NSF: variants seen among roughly 807,000 people sequenced by gnomAD.
NSF encodes vesicle-fusing ATPase.
In NSF, 14 loss-of-function variants were observed where a neutral mutation model predicts 50.3. The observed-to-expected ratio is 0.28, with a 90% CI of 0.18 to 0.44. The LOEUF is 0.44. NSF is among the 20% of genes least tolerant of loss of function. The probability of loss-of-function intolerance (pLI) is 1.00; values close to 1 mark genes in which losing one functional copy is unlikely to be tolerated. For synonymous variants in NSF, 109 were observed against 175.7 expected (o/e 0.62, Z 3.00); for missense variants, 218 against 504.3 (o/e 0.43, Z 5.44).
chr17:46,610,103 C>T (rs1347757604), intron 1 of NSF, among the ~76,000 whole-genome samples: 1 of 73,308 alleles, frequency 1.4e-5, no homozygotes, highest in Admixed American at 1.2e-4. Flanking sequence ...CTCTCTTTCT[C>T]TCTCTCTCTC....
At chr17:46,755,677 A>G (rs910210794) in intron 20 of NSF, 125 bp from the exon 21 acceptor site, 8 of 1,070,178 alleles carry the variant, frequency 7.5e-6, no homozygotes, top group African/African-American at 3.2e-5. Context: ...CTAATAGCAA[A>G]TGCATAGTGG....
At chr17:46,754,107 A>G (rs974645261) in intron 19 of NSF, among the ~76,000 whole-genome samples, 1 of 151,800 alleles carries the variant, frequency 6.6e-6, no homozygotes, top group African/African-American at 2.4e-5. Flanking sequence ...TTTAATGGGC[A>G]AAGAACTGCA....
At chr17:46,722,787 T>C (rs1391441725) in intron 15 of NSF, among the ~76,000 whole-genome samples, 1 of 152,152 alleles carries the variant, frequency 6.6e-6, no homozygotes, top group African/African-American at 2.4e-5. Context: ...TGTATTTAAA[T>C]TAGAGCAGAG....
At chr17:46,606,175 G>A (rs1387364558) in intron 1 of NSF, among the ~76,000 whole-genome samples, 1 of 6,780 alleles carries the variant, frequency 1.5e-4, no homozygotes, top group Non-Finnish European at 2.1e-4. Flanking sequence ...GCAAAACTCC[G>A]TCTCAAAAAA....
chr17:46,704,717 A>T, intron 12 of NSF, 42 bp from the exon 13 acceptor site: 1 of 1,589,666 alleles, frequency 6.3e-7, no homozygotes, highest in Non-Finnish European at 8.5e-7. Flanking sequence ...AACTATTCTT[A>T]AATCTTGGAA....
At chr17:46,707,212 G>A (rs1005686867) in intron 13 of NSF, among the ~76,000 whole-genome samples, 6 of 152,130 alleles carry the variant, frequency 3.9e-5, no homozygotes, top group Non-Finnish European at 7.4e-5. Flanking sequence ...GTCTTGATTT[G>A]CATTTTAGTT....
chr17:46,735,680 C>T (rs2058995976), intron 17 of NSF, among the ~76,000 whole-genome samples: 1 of 152,136 alleles, frequency 6.6e-6, no homozygotes. Context: ...CGCAGTGGCT[C>T]ATGCCTGTAA....
At chr17:46,707,982 G>A (rs1044694444) in intron 13 of NSF, among the ~76,000 whole-genome samples, 2 of 150,668 alleles carry the variant, frequency 1.3e-5, no homozygotes, top group East Asian at 2.0e-4. Flanking sequence ...GCAGTGAGCC[G>A]AGATTGTGCC....
chr17:46,727,607 G>A (rs1050297372), intron 16 of NSF, among the ~76,000 whole-genome samples: 1 of 152,094 alleles, frequency 6.6e-6, no homozygotes, highest in Non-Finnish European at 1.5e-5. Context: ...AGCAAAGCAG[G>A]TATATCTGTG....
intron 15 of NSF, among the ~76,000 whole-genome samples, chr17:46,718,045 C>T (rs2058791298): frequency 6.6e-6 from 1 of 152,214 alleles, no homozygotes; most frequent in Non-Finnish European, 1.5e-5. Context: ...CATCTTTCTC[C>T]CTCAGAGTGA....
chr17:46,716,487 G>C (rs945614886), intron 15 of NSF, among the ~76,000 whole-genome samples: 4 of 152,098 alleles, frequency 2.6e-5, no homozygotes, highest in African/African-American at 9.7e-5. Flanking sequence ...TTGATCTCCT[G>C]ACCTCATGAT....
At chr17:46,722,267 G>A (rs775759634) in intron 15 of NSF, 6 of 1,006,704 alleles carry the variant, frequency 6.0e-6, no homozygotes, top group Non-Finnish European at 9.3e-6. Context: ...AATTTTGGGG[G>A]GAGTCTGTAA....
chr17:46,726,248 G>A (rs1255865415), intron 15 of NSF, among the ~76,000 whole-genome samples: 1 of 152,148 alleles, frequency 6.6e-6, no homozygotes, highest in African/African-American at 2.4e-5. Context: ...CTAAAGTCCT[G>A]CTCCTGACAC....
intron 5 of NSF, among the ~76,000 whole-genome samples, chr17:46,638,747 A>G (rs1300789123): frequency 1.8e-4 from 23 of 129,596 alleles, no homozygotes; most frequent in Non-Finnish European, 2.9e-4. Context: ...ACCTCAAGTG[A>G]TCCTCCCACC....
At chr17:46,721,237 A>G (rs2058827909) in intron 15 of NSF, among the ~76,000 whole-genome samples, 1 of 152,126 alleles carries the variant, frequency 6.6e-6, no homozygotes, top group Non-Finnish European at 1.5e-5. Flanking sequence ...TTTGCATGCA[A>G]GAGAGGTTAC....
intron 17 of NSF, among the ~76,000 whole-genome samples, chr17:46,731,631 A>G (rs1198259545): frequency 6.6e-6 from 1 of 152,194 alleles, no homozygotes; most frequent in Non-Finnish European, 1.5e-5. Flanking sequence ...GAATTGGATC[A>G]TTTAAAAAGA....
intron 19 of NSF, among the ~76,000 whole-genome samples, chr17:46,753,079 T>C (rs2059198779): frequency 6.6e-6 from 1 of 152,222 alleles, no homozygotes; most frequent in Non-Finnish European, 1.5e-5. Flanking sequence ...AGTAAACTTC[T>C]GTTGGATGAA....
chr17:46,749,040 CTTCCATGG>C (rs1385155378), intron 17 of NSF, among the ~76,000 whole-genome samples: 1 of 152,106 alleles, frequency 6.6e-6, no homozygotes, highest in Non-Finnish European at 1.5e-5. Flanking sequence ...AAATCCCCAT[CTTCCATGG>C]TAGGAAGTTA....
At chr17:46,609,824 TTTC>T (rs1459411677) in intron 1 of NSF, among the ~76,000 whole-genome samples, 1 of 132,686 alleles carries the variant, frequency 7.5e-6, no homozygotes, top group East Asian at 2.4e-4. Flanking sequence ...TGTCTCACTG[TTTC>T]TTTTTTTTTT....
Sources: allele counts gnomAD v4.1 joint callset (sites outside exome capture counted in the v4.1 genomes callset), GRCh38; gene constraint gnomAD v4.1.1; transcripts MANE v1.5; gene names NCBI Gene and HGNC (gene_info 2026-07-23, HGNC 2026-07-21).